DRC11: variants seen among roughly 807,000 people sequenced by gnomAD.
DRC11 encodes dynein regulatory complex subunit 11.
At chr2:236,427,894 T>A in the DRC11 span, among the ~76,000 whole-genome samples, 931 of 152,294 alleles carry the variant, frequency 6.1e-3, 10 homozygotes, top group African/African-American at 0.021. The surrounding 1 kb of genome is among the most constrained non-coding windows in gnomAD (Gnocchi z 5.9). Flanking sequence ...CTCTTAGTAC[T>A]GCTTTTGTTG....
chr2:236,344,364 CTA>C, the DRC11 span, among the ~76,000 whole-genome samples: 3 of 152,282 alleles, frequency 2.0e-5, no homozygotes, highest in East Asian at 5.8e-4. Flanking sequence ...TCCTTCTAAA[CTA>C]TGTCTCATAA....
the DRC11 span, among the ~76,000 whole-genome samples, chr2:236,373,717 T>A: frequency 5.3e-5 from 8 of 152,224 alleles, no homozygotes; most frequent in Non-Finnish European, 8.8e-5. Flanking sequence ...GAGTGAATAG[T>A]CCAATACTTT....
the DRC11 span, among the ~76,000 whole-genome samples, chr2:236,318,214 C>A: frequency 6.6e-6 from 1 of 151,940 alleles, no homozygotes; most frequent in Admixed American, 6.6e-5. The surrounding 1 kb of genome is among the most constrained non-coding windows in gnomAD (Gnocchi z 7.0). Context: ...CTGACTCCCA[C>A]GGGGAGCAGG....
At chr2:236,444,792 A>G in the DRC11 span, among the ~76,000 whole-genome samples, 2 of 152,204 alleles carry the variant, frequency 1.3e-5, no homozygotes, top group South Asian at 4.1e-4. Context: ...CATATAGTCA[A>G]CCAACAAATA....
the DRC11 span, chr2:236,441,046 T>G: frequency 6.5e-7 from 1 of 1,532,400 alleles, no homozygotes; most frequent in South Asian, 1.2e-5. Context: ...GTACCTGTTG[T>G]ATGGTCTTGT....
the DRC11 span, among the ~76,000 whole-genome samples, chr2:236,410,534 G>A: frequency 6.7e-6 from 1 of 149,732 alleles, no homozygotes; most frequent in African/African-American, 2.5e-5. Context: ...TCACAGAATT[G>A]GAAAAAACTA....
chr2:236,409,129 C>A, the DRC11 span: 13 of 377,128 alleles, frequency 3.4e-5, no homozygotes, highest in Non-Finnish European at 5.3e-5. Flanking sequence ...TTTTTTGAGA[C>A]AGAGTCTCCC....
At chr2:236,488,072 A>G in the DRC11 span, 1 of 1,608,526 alleles carries the variant, frequency 6.2e-7, no homozygotes, top group Non-Finnish European at 8.5e-7. Flanking sequence ...GCTTTGCTCT[A>G]TATTCTTGCA....
chr2:236,462,820 G>C, the DRC11 span, among the ~76,000 whole-genome samples: 1 of 152,196 alleles, frequency 6.6e-6, no homozygotes, highest in African/African-American at 2.4e-5. The surrounding 1 kb of genome is among the most constrained non-coding windows in gnomAD (Gnocchi z 6.4). Context: ...TCTTGAAAGA[G>C]AGACATTTAA....
the DRC11 span, among the ~76,000 whole-genome samples, chr2:236,356,277 T>A: frequency 6.6e-6 from 1 of 151,394 alleles, no homozygotes; most frequent in African/African-American, 2.4e-5. Context: ...TTCCCTTGCC[T>A]GTCTAATGAG....
the DRC11 span, among the ~76,000 whole-genome samples, chr2:236,413,333 T>C: frequency 6.6e-6 from 1 of 152,236 alleles, no homozygotes; most frequent in Non-Finnish European, 1.5e-5. The surrounding 1 kb of genome is among the most constrained non-coding windows in gnomAD (Gnocchi z 4.0). Flanking sequence ...ATTATCTCTG[T>C]CACCCACAAG....
the DRC11 span, among the ~76,000 whole-genome samples, chr2:236,481,422 G>A: frequency 6.6e-6 from 1 of 152,124 alleles, no homozygotes; most frequent in South Asian, 2.1e-4. Flanking sequence ...GAATATAGAA[G>A]TCTGATTTTC....
At chr2:236,473,635 T>C in the DRC11 span, among the ~76,000 whole-genome samples, 1 of 152,208 alleles carries the variant, frequency 6.6e-6, no homozygotes, top group Non-Finnish European at 1.5e-5. The surrounding 1 kb of genome is among the most constrained non-coding windows in gnomAD (Gnocchi z 4.8). Context: ...ATCCACAAAA[T>C]GAAATGTATT....
At chr2:236,457,258 G>A in the DRC11 span, among the ~76,000 whole-genome samples, 1 of 151,070 alleles carries the variant, frequency 6.6e-6, no homozygotes, top group East Asian at 1.9e-4. This position sits in a 1 kb window ranked among gnomAD's most constrained non-coding sequence, Gnocchi z 4.7. Context: ...GAAATAAGAT[G>A]AAATGAAATT....
chr2:236,473,323 C>A, the DRC11 span, among the ~76,000 whole-genome samples: 1 of 152,144 alleles, frequency 6.6e-6, no homozygotes, highest in African/African-American at 2.4e-5. The surrounding 1 kb of genome is among the most constrained non-coding windows in gnomAD (Gnocchi z 4.8). Context: ...AACAGAGTCT[C>A]GGGAGAGGGC....
the DRC11 span, chr2:236,367,411 G>A: frequency 2.0e-5 from 3 of 151,402 alleles, no homozygotes; most frequent in African/African-American, 7.3e-5. The surrounding 1 kb of genome is among the most constrained non-coding windows in gnomAD (Gnocchi z 4.8). Context: ...AAGTTCTGAA[G>A]TCTTAAGTTC....
the DRC11 span, among the ~76,000 whole-genome samples, chr2:236,416,804 A>G: frequency 7.3e-6 from 1 of 136,126 alleles, no homozygotes; most frequent in South Asian, 2.6e-4. Context: ...TCTGTCACTC[A>G]GGCTGGAGTG....
the DRC11 span, among the ~76,000 whole-genome samples, chr2:236,316,913 A>G: frequency 6.6e-6 from 1 of 152,232 alleles, no homozygotes; most frequent in African/African-American, 2.4e-5. This position sits in a 1 kb window ranked among gnomAD's most constrained non-coding sequence, Gnocchi z 6.8. Context: ...AGGCATATAC[A>G]AACAGCAGTG....
At chr2:236,416,285 T>G in the DRC11 span, among the ~76,000 whole-genome samples, 1 of 152,190 alleles carries the variant, frequency 6.6e-6, no homozygotes, top group Non-Finnish European at 1.5e-5. Context: ...TACTATCACG[T>G]GACTGTCCTT....
Sources: gnomAD v4.1 joint callset for allele counts (sites outside exome capture counted in the v4.1 genomes callset) on GRCh38, gnomAD v4.1.1 for gene constraint, Gnocchi (gnomAD v3.1) non-coding constraint, MANE v1.5 for transcripts, NCBI Gene and HGNC (gene_info 2026-07-23, HGNC 2026-07-21) for gene names.